The following NCKAP5 variants were observed in gnomAD, a reference collection of about 807,000 sequenced individuals.
NCKAP5 encodes the protein NCK associated protein 5.
NCKAP5 carries 92 observed loss-of-function variants against 167.0 expected under a neutral mutation model. That is an observed-to-expected ratio of 0.55 (90% CI 0.47 to 0.66). The LOEUF (loss-of-function observed/expected upper bound fraction) is 0.66, where lower values mean the gene tolerates loss of function less well. Ranked by LOEUF, NCKAP5 falls within the 30% of genes least tolerant of loss-of-function variation. NCKAP5 has a pLI of 0.00. For missense variants in NCKAP5, 2,378 were observed against 2,315.0 expected, an observed-to-expected ratio of 1.03 and a Z score of -0.56; for synonymous variants, 891 against 877.4, an observed-to-expected ratio of 1.02 and a Z score of -0.27.
intron 3 of NCKAP5, among the ~76,000 whole-genome samples, chr2:133,364,751 C>CTT (rs112877317): frequency 1.3e-5 from 2 of 148,552 alleles, no homozygotes; most frequent in African/African-American, 4.9e-5. Flanking sequence ...GTCATTGTGT[C>CTT]TTTTTTTTTT....
At chr2:133,616,456 A>T in the NCKAP5 span, among the ~76,000 whole-genome samples, 1 of 151,628 alleles carries the variant, frequency 6.6e-6, no homozygotes, top group Non-Finnish European at 1.5e-5. Context: ...GCAATAAAAA[A>T]TGATAAAGGG....
chr2:132,690,617 A>T (rs1286971897), intron 19 of NCKAP5, among the ~76,000 whole-genome samples: 1 of 152,170 alleles, frequency 6.6e-6, no homozygotes, highest in East Asian at 1.9e-4. Context: ...CTGAGAACCT[A>T]CAACTTTAAG....
intron 4 of NCKAP5, among the ~76,000 whole-genome samples, chr2:133,275,996 C>T (rs1448986884): frequency 6.6e-6 from 1 of 151,838 alleles, no homozygotes; most frequent in Non-Finnish European, 1.5e-5. Context: ...CTCCTCCACC[C>T]ATTCCACTTC....
chr2:132,927,503 A>G (rs144226685), intron 8 of NCKAP5, among the ~76,000 whole-genome samples: 132 of 152,218 alleles, frequency 8.7e-4, no homozygotes, highest in African/African-American at 3.0e-3. Flanking sequence ...TGTGCATGGA[A>G]TATTTTTCCA....
chr2:132,881,467 A>G (rs1170189686), intron 8 of NCKAP5, among the ~76,000 whole-genome samples: 1 of 149,310 alleles, frequency 6.7e-6, no homozygotes, highest in Non-Finnish European at 1.5e-5. Context: ...GAGCCATTGC[A>G]CCCGGCCTGG....
the NCKAP5 span, among the ~76,000 whole-genome samples, chr2:133,663,256 G>C: frequency 5.0e-5 from 7 of 140,850 alleles, no homozygotes; most frequent in Non-Finnish European, 9.0e-5. Flanking sequence ...CTGGGCGGCA[G>C]AGCGAGACTC....
intron 5 of NCKAP5, among the ~76,000 whole-genome samples, chr2:133,163,374 A>T (rs920440584): frequency 1.3e-5 from 2 of 152,216 alleles, no homozygotes; most frequent in Non-Finnish European, 2.9e-5. Context: ...TGTCATTGGA[A>T]TCTAAGCCTT....
rs566570927 is a variant in NCKAP5 at position 133,208,860 on chromosome 2, C to A, written c.207+4856G>T. Among the ~76,000 whole-genome samples the A allele has an allele frequency of 2.6e-5, 4 of 152,164 alleles. No homozygotes were observed. The East Asian group carries it at 7.7e-4, about 29-fold the overall frequency. ...AGGATCTCATTTTCTATTTTCAGGA[C>A]TAGTTTGCGTAACAGAACTTTCAAC... On this transcript the variant is annotated intron_variant, in intron 5 of 19. Coordinates refer to ENST00000409261, the MANE Select transcript of NCKAP5 (RefSeq NM_207363.3).
intron 5 of NCKAP5, among the ~76,000 whole-genome samples, chr2:133,194,142 C>CT (rs912706903): frequency 5.9e-5 from 9 of 151,980 alleles, no homozygotes; most frequent in African/African-American, 2.2e-4. Context: ...TCTAAGGCTC[C>CT]TTTTTTTAAA....
At chr2:132,863,324 C>T (rs1251042473) in intron 10 of NCKAP5, among the ~76,000 whole-genome samples, 1 of 151,336 alleles carries the variant, frequency 6.6e-6, no homozygotes, top group Non-Finnish European at 1.5e-5. Flanking sequence ...TCATTTGCAA[C>T]ATAGAGATAT....
At chr2:132,790,372 T>C (rs542987462) in intron 12 of NCKAP5, among the ~76,000 whole-genome samples, 167 bp from the exon 13 acceptor site, 1 of 152,320 alleles carries the variant, frequency 6.6e-6, no homozygotes, top group Non-Finnish European at 1.5e-5. Flanking sequence ...ATGTACTCAG[T>C]ACACCTAACG....
At chr2:133,526,207 G>GGAAA (rs1240120683) in intron 2 of NCKAP5, among the ~76,000 whole-genome samples, 50 of 134,768 alleles carry the variant, frequency 3.7e-4, no homozygotes, top group Middle Eastern at 3.7e-3. Flanking sequence ...AAGGAAGGAA[G>GGAAA]GAAGGAAGGA....
chr2:133,342,863 C>T (rs548698666), intron 3 of NCKAP5, among the ~76,000 whole-genome samples: 4 of 152,246 alleles, frequency 2.6e-5, no homozygotes, highest in Non-Finnish European at 5.9e-5. Context: ...ACTTGACAGG[C>T]TAGGAGGACA....
At chr2:132,786,665 A>G (rs1683595031) in intron 13 of NCKAP5, among the ~76,000 whole-genome samples, 1 of 152,150 alleles carries the variant, frequency 6.6e-6, no homozygotes, top group Non-Finnish European at 1.5e-5. Flanking sequence ...GGGGGAAAAA[A>G]AAAAGCTAAC....
chr2:132,698,317 T>C (rs1687538917), intron 19 of NCKAP5, among the ~76,000 whole-genome samples: 1 of 152,202 alleles, frequency 6.6e-6, no homozygotes, highest in South Asian at 2.1e-4. Context: ...ATGGTGAAAT[T>C]ATACTACCTG....
At chr2:133,111,896 A>G (rs1380317462) in intron 6 of NCKAP5, among the ~76,000 whole-genome samples, 1 of 152,198 alleles carries the variant, frequency 6.6e-6, no homozygotes. Flanking sequence ...CTAGGAAGAA[A>G]GGGACATAGC....
At chr2:133,083,986 GA>G (rs1260808016) in intron 6 of NCKAP5, among the ~76,000 whole-genome samples, 1 of 152,130 alleles carries the variant, frequency 6.6e-6, no homozygotes, top group African/African-American at 2.4e-5. Context: ...GGAGGAGTCA[GA>G]AATGACACCT....
chr2:133,573,300 C>G (rs773318407), upstream of NCKAP5, among the ~76,000 whole-genome samples: 1 of 152,208 alleles, frequency 6.6e-6, no homozygotes, highest in African/African-American at 2.4e-5. Flanking sequence ...TTCAAACTTA[C>G]AAATGCTGTT....
chr2:133,308,615 G>A (rs1680976869), intron 3 of NCKAP5, among the ~76,000 whole-genome samples: 1 of 150,812 alleles, frequency 6.6e-6, no homozygotes, highest in South Asian at 2.1e-4. Flanking sequence ...GAAAAGACTG[G>A]GTATGTCTTA....
Sources: allele counts gnomAD v4.1 joint callset (sites outside exome capture counted in the v4.1 genomes callset), GRCh38; gene constraint gnomAD v4.1.1; transcripts MANE v1.5; gene names NCBI Gene and HGNC (gene_info 2026-07-23, HGNC 2026-07-21).